RNF213: variants seen among roughly 807,000 people sequenced by gnomAD.
RNF213 encodes the protein ring finger protein 213, also known as E3 ubiquitin-protein ligase RNF213.
RNF213 carries 341 observed loss-of-function variants against 514.4 expected under a neutral mutation model. The ratio of observed to expected loss-of-function variants is 0.66; its 90% CI spans 0.61 to 0.73. The LOEUF is 0.73. Ranked by LOEUF, RNF213 falls within the 30% of genes least tolerant of loss-of-function variation. RNF213 has a pLI of 0.00. For missense variants in RNF213, 5,767 were observed against 6,615.6 expected (o/e 0.87, Z 4.45); for synonymous variants, 2,655 against 2,658.2 (o/e 1.00, Z 0.04).
At chr17:80,261,767 C>T (rs2145055033) in intron 1 of RNF213, among the ~76,000 whole-genome samples, 1 of 152,284 alleles carries the variant, frequency 6.6e-6, no homozygotes, top group South Asian at 2.1e-4. Flanking sequence ...GCCTGTAATC[C>T]CAAAACTTTG....
Position 80,347,436 on chromosome 17 carries a change from A to G in RNF213, c.9101A>G (p.Gln3034Arg), listed in dbSNP as rs2078349591. 6.2e-7 allele frequency: 1 copy of G among 1,613,936 alleles called. No homozygotes were observed. The highest frequency in any genetic ancestry group is 1.3e-5 in the African/African-American group (1 of 74,936). ...GPSQKVPGGE[Q>R]EDAESRYLLV... ...TCTCAGAAGGTGCCGGGTGGAGAGC[A>G]GGAAGATGCTGAGTCCCGCTACTTA... Residue 3034 changes from glutamine (Q) to arginine (R), a missense_variant, in exon 29 of 68, where the codon CAG (glutamine) becomes CGG (arginine). Gln to Arg is a conservative substitution (Grantham distance 43). Around this residue, in one of 13 missense-constraint regions of RNF213, gnomAD observed 919 missense variants for 1,121.0 expected, o/e 0.82. Coordinates refer to ENST00000582970, the MANE Select transcript of RNF213 (RefSeq NM_001256071.3). This position sits in a 1 kb window ranked among gnomAD's most constrained non-coding sequence, Gnocchi z 7.2.
rs1190783742 is a variant in RNF213 at position 80,277,427 on chromosome 17, GTC to G, written c.261+4027_261+4028del. 3.9e-5 allele frequency among the ~76,000 whole-genome samples: 6 copies of G among 151,902 alleles called. No homozygotes were observed. The East Asian group carries it at 1.2e-3, about 29-fold the overall frequency. On this transcript the variant is annotated intron_variant, in intron 3 of 67. Coordinates refer to ENST00000582970, the MANE Select transcript of RNF213 (RefSeq NM_001256071.3). ...AACCTGACCAACATGGGGAAACCCC[GTC>G]TCTACTAAAAATACAAAAAGTAGCC...
At position 80,342,862 on chromosome 17, in the gene RNF213, G is replaced by A. The variant is rs543675440; in HGVS notation, c.5990-270G>A. On this transcript the variant is annotated intron_variant, in intron 26 of 67. Transcript: ENST00000582970. ...TAAGGGATGCCCAGGCTGGAGTGTA[G>A]TGGTGCAATCTCAGCTCACTACAAC... 4.8e-4 allele frequency among the ~76,000 whole-genome samples: 73 copies of A among 151,546 alleles called. 1 individual carries two copies. The highest frequency in any genetic ancestry group is 4.5e-3 in the Admixed American group (69 of 15,174).
At chr17:80,272,636 G>C (rs2043863179) in intron 2 of RNF213, among the ~76,000 whole-genome samples, 1 of 152,220 alleles carries the variant, frequency 6.6e-6, no homozygotes, top group Non-Finnish European at 1.5e-5. Context: ...CTGGCATACT[G>C]GGGATCAACA....
At chr17:80,262,972 C>A (rs760076600) in intron 1 of RNF213, among the ~76,000 whole-genome samples, 2 of 152,220 alleles carry the variant, frequency 1.3e-5, no homozygotes, top group Non-Finnish European at 2.9e-5. Context: ...AGGCTTCTTA[C>A]TGGGGAGGGA....
intron 22 of RNF213, among the ~76,000 whole-genome samples, 185 bp from the exon 23 acceptor site, chr17:80,335,976 C>CA (rs11340394): frequency 0.041 from 4,844 of 118,316 alleles, 110 homozygotes; most frequent in East Asian, 0.18. Context: ...GACTCTGTCT[C>CA]AAAAAAAAAA....
intron 3 of RNF213, among the ~76,000 whole-genome samples, chr17:80,273,737 A>G (rs1001923222): frequency 2.0e-5 from 3 of 149,444 alleles, no homozygotes; most frequent in African/African-American, 7.4e-5. Context: ...CTCCTGCCTC[A>G]GCCTCCCAAG....
At position 80,332,467 on chromosome 17, in the gene RNF213, G is replaced by A. The variant is rs1365134861; in HGVS notation, c.3979G>A (p.Val1327Met). ...TTCAGAACTTAAGATCATGTGCACC[G>A]TGGACCACCAGGACCAAAGAGATTG... ...LDSELKIMCT[V>M]DHQDQRDWIK... The change falls in exon 21 of 68, where the codon GTG (valine) becomes ATG (methionine). Residue 1327 changes from valine to methionine, a missense_variant. Physicochemically the swap from Val to Met is conservative, Grantham distance 21. Coordinates refer to ENST00000582970, the MANE Select transcript of RNF213 (RefSeq NM_001256071.3). 37 of 1,537,136 alleles carry A rather than the reference G, an allele frequency of 2.4e-5. No homozygotes were observed. Among genetic ancestry groups the A allele is most frequent in the Non-Finnish European group, 2.9e-5 (33 of 1,146,860 alleles).
intron 6 of RNF213, among the ~76,000 whole-genome samples, 166 bp from the exon 7 acceptor site, chr17:80,290,404 T>TGC (rs1568019049): frequency 1.5e-5 from 2 of 137,896 alleles, no homozygotes; most frequent in African/African-American, 3.1e-5. Context: ...TACGTGTGCT[T>TGC]GTGTGTGTGC....
rs1308260721 is a variant in RNF213, at chr17:80,340,110, CTG to C, written c.5746_5747del (p.Cys1916HisfsTer15). 8.1e-6 allele frequency: 13 copies of C among 1,612,426 alleles called. No homozygotes were observed. Among genetic ancestry groups the C allele is most frequent in the Non-Finnish European group, 1.1e-5 (13 of 1,179,786 alleles). Reference protein sequence around the residue: ...ARQAEELFHNLCTQQHREDYQ... With the variant: ...ARQAEELFHNXCTQQHREDYQ... ...CCAAGCGGAGGAGCTTTTCCACAAT[CTG>C]TGCACGCAGCAGCACCGAGAAGACT... is the stretch of plus-strand genomic sequence containing the variant. On this transcript the variant is annotated frameshift_variant, in exon 26 of 68. Coordinates refer to ENST00000582970, the MANE Select transcript of RNF213 (RefSeq NM_001256071.3). LOFTEE classifies it high-confidence loss of function.
chr17:80,278,748 G>C, intron 3 of RNF213: 1 of 1,537,078 alleles, frequency 6.5e-7, no homozygotes, highest in African/African-American at 1.4e-5. Context: ...GTCTGAAGGG[G>C]GTCGTGTTTC....
rs1317234641 is a variant in RNF213 at position 80,398,723 on chromosome 17, GAGAA to G, written c.*5229_*5232del. 2.0e-5 allele frequency: 3 copies of G among 151,526 alleles called. No individual in the cohort carries two copies. The highest frequency in any genetic ancestry group is 2.9e-5 in the Non-Finnish European group (2 of 67,958). 9.4% of individuals were successfully genotyped at this position (151,526 alleles called of 1,614,324 possible). A position where few individuals can be genotyped will look rare whatever the true frequency, so the allele number is the denominator to read the frequency against. On this transcript the variant is annotated 3_prime_UTR_variant, in exon 68 of 68. Coordinates refer to ENST00000582970, the MANE Select transcript of RNF213 (RefSeq NM_001256071.3). ...ACAAAGAGGGAGTCAGAGAGAGAGA[GAGAA>G]AGAGACAGAGGCAAAAGGAAAGTCA...
At position 80,397,383 on chromosome 17, in the gene RNF213, G is replaced by A. The variant is rs892903043; in HGVS notation, c.*3885G>A. 1.3e-5 allele frequency: 2 copies of A among 152,098 alleles called. No homozygotes were observed. Among genetic ancestry groups the A allele is most frequent in the African/African-American group, 4.8e-5 (2 of 41,414 alleles). The allele number at this position is 152,098 out of a possible 1,614,324, so 9.4% of individuals were successfully genotyped here. A position where few individuals can be genotyped will look rare whatever the true frequency, so the allele number is the denominator to read the frequency against. Reference sequence around the variant, plus strand: ...TACGCCCAATTTCTGCCTCCAAAGAGAGAAGTAAAAACTAAAAGGCAGAAA... The same window carrying A: ...TACGCCCAATTTCTGCCTCCAAAGAAAGAAGTAAAAACTAAAAGGCAGAAA... On this transcript the variant is annotated 3_prime_UTR_variant, in exon 68 of 68. Transcript: ENST00000582970.
chr17:80,292,318 T>A (rs1403094519), intron 8 of RNF213, among the ~76,000 whole-genome samples: 1 of 152,112 alleles, frequency 6.6e-6, no homozygotes, highest in Non-Finnish European at 1.5e-5. Context: ...TCTGCCCTCC[T>A]CGACCTCCCG....
At chr17:80,344,106 C>T (rs1568100183) in intron 28 of RNF213, 91 bp downstream of exon 28, 5 of 1,371,498 alleles carry the variant, frequency 3.6e-6, no homozygotes, top group Admixed American at 2.2e-5. Flanking sequence ...TAGGAGACTC[C>T]ACATCTTTGC....
chr17:80,363,012 A>T, intron 39 of RNF213, 90 bp from the exon 40 acceptor site: 1 of 1,237,464 alleles, frequency 8.1e-7, no homozygotes. Context: ...TTCCTCTTTT[A>T]TGGTTTTCCA....
chr17:80,390,977 GCTTTAAC>G (rs2080446132), intron 67 of RNF213, among the ~76,000 whole-genome samples: 1 of 152,094 alleles, frequency 6.6e-6, no homozygotes, highest in Non-Finnish European at 1.5e-5. Flanking sequence ...CAGGAGAATT[GCTTTAAC>G]CTGGGAGGTG....
rs372998905 is a variant in RNF213 at position 80,372,547 on chromosome 17, T to C, written c.12564T>C (p.Ala4188=). The change falls in exon 48 of 68, where the codon GCT becomes GCC. Residue 4188 remains alanine, a synonymous_variant. Transcript: ENST00000582970. The part of the protein sequence containing the change: ...LEDSILEKTS[A]YSRNDELNHL... The stretch of plus-strand genomic sequence containing the variant: ...ATTCAATACTTGAGAAGACCAGTGC[T>C]TACTCCAGAAATGATGAACTGAACC... 15 of 1,613,644 alleles carry C rather than the reference T, an allele frequency of 9.3e-6. No homozygotes were observed. The South Asian group carries it at 1.3e-4, about 14-fold the overall frequency.
At chr17:80,338,303 A>T (rs2078047792) in intron 25 of RNF213, among the ~76,000 whole-genome samples, 1 of 152,188 alleles carries the variant, frequency 6.6e-6, no homozygotes, top group Non-Finnish European at 1.5e-5. Context: ...TCACCCAGCA[A>T]ATAGCCCTTA....
Sources: allele counts gnomAD v4.1 joint callset (sites outside exome capture counted in the v4.1 genomes callset), GRCh38; gene constraint gnomAD v4.1.1; regional missense constraint gnomAD v4.1.1; non-coding constraint Gnocchi (gnomAD v3.1); transcripts MANE v1.5; gene names NCBI Gene and HGNC (gene_info 2026-07-23, HGNC 2026-07-21).